The following ELP6 variants were observed in gnomAD, a reference collection of about 807,000 sequenced individuals.
The protein encoded by ELP6 is elongator complex protein 6.
Under a neutral mutation model 28.1 loss-of-function variants are expected in ELP6, and 23 were observed. The ratio of observed to expected loss-of-function variants is 0.82; its 90% CI spans 0.59 to 1.16. ELP6 has a LOEUF of 1.16. Among genes scored for constraint, ELP6 ranks in the 50% most tolerant of loss-of-function variants. ELP6 has a pLI of 0.00. For missense variants in ELP6, 313 were observed against 334.6 expected (o/e 0.94, Z 0.50); for synonymous variants, 132 against 135.8 (o/e 0.97, Z 0.19).
At chr3:47,513,463 C>A (rs2029966124) in intron 1 of ELP6, 74 bp downstream of exon 1, 5 of 1,574,966 alleles carry the variant, frequency 3.2e-6, no homozygotes, top group East Asian at 2.3e-5. Flanking sequence ...CGGGGTCGTG[C>A]GCACCGCCTC....
At chr3:47,497,929 T>TA (rs1178708502) in intron 6 of ELP6, 2,470 of 777,292 alleles carry the variant, frequency 3.2e-3, no homozygotes, top group Non-Finnish European at 3.5e-3. Flanking sequence ...AGACTCCGTC[T>TA]AAAAAAAAAA....
intron 3 of ELP6, among the ~76,000 whole-genome samples, chr3:47,509,395 C>T (rs1464089826): frequency 6.6e-6 from 1 of 152,230 alleles, no homozygotes; most frequent in Non-Finnish European, 1.5e-5. Flanking sequence ...CACCTAGTAA[C>T]AGGTAATGTC....
chr3:47,501,894 C>T (rs1559588833), intron 4 of ELP6, 43 bp from the exon 5 acceptor site: 2 of 1,573,146 alleles, frequency 1.3e-6, no homozygotes, highest in Non-Finnish European at 1.7e-6. Flanking sequence ...ACTCTCTCTA[C>T]AGATGTTTAT....
In ELP6 at chr3:47,507,536, C is replaced by T. The variant is rs532549310; in HGVS notation, c.204+2648G>A. ...TGGGGCTCGGCATGGTGCCTCACAC[C>T]TGTAATCCCAGCACTTTGGGAGGCT... is the stretch of plus-strand genomic sequence containing the variant. On this transcript the variant is annotated intron_variant, in intron 3 of 6. Transcript: ENST00000296149. Among the ~76,000 whole-genome samples the T allele has an allele frequency of 3.3e-5, 5 of 151,020 alleles. No individual in the cohort carries two copies. The South Asian group carries it at 1.0e-3, about 32-fold the overall frequency.
Position 47,505,610 on chromosome 3 carries a change from C to T in ELP6, c.205-1162G>A, listed in dbSNP as rs189977061. Among the ~76,000 whole-genome samples the T allele has an allele frequency of 1.0e-3, 157 of 152,038 alleles. 3 individuals carry two copies. The highest frequency in any genetic ancestry group is 3.4e-3 in the African/African-American group (140 of 41,466). On this transcript the variant is annotated intron_variant, in intron 3 of 6. Coordinates refer to ENST00000296149, the MANE Select transcript of ELP6 (RefSeq NM_001031703.3). ...TTTAGAGATGGAGTTTCGCTCTTGT[C>T]GCCCAGACTGGAGTGCAATGGTGCG...
intron 5 of ELP6, among the ~76,000 whole-genome samples, chr3:47,501,270 T>A (rs1253503051): frequency 6.6e-6 from 1 of 152,212 alleles, no homozygotes; most frequent in Non-Finnish European, 1.5e-5. Flanking sequence ...TAATATTGTA[T>A]ATCCTATACT....
At chr3:47,500,871 C>T (rs559525142) in intron 5 of ELP6, among the ~76,000 whole-genome samples, 4 of 152,190 alleles carry the variant, frequency 2.6e-5, no homozygotes, top group Non-Finnish European at 2.9e-5. Context: ...TTGCTCTGTA[C>T]GCTCAGTCTG....
chr3:47,498,739 T>C, intron 5 of ELP6: 1 of 984,626 alleles, frequency 1.0e-6, no homozygotes. Flanking sequence ...GTCACCATCC[T>C]GCCAGGCAAC....
At chr3:47,508,766 T>TC (rs1043109264) in intron 3 of ELP6, among the ~76,000 whole-genome samples, 4 of 135,682 alleles carry the variant, frequency 2.9e-5, no homozygotes, top group African/African-American at 1.1e-4. Flanking sequence ...TTTTTTTTCC[T>TC]TTTTTTTTTT....
At position 47,495,970 on chromosome 3, in the gene ELP6, A is replaced by C; in HGVS notation, c.*99T>G. On this transcript the variant is annotated 3_prime_UTR_variant, in exon 7 of 7. Coordinates refer to ENST00000296149, the MANE Select transcript of ELP6 (RefSeq NM_001031703.3). ...ACAGTGGAGTCGCCGGTCCAGCCTGAAATATTACTACAGAGGAGAAAGACC... is the reference window on the plus strand; with the variant it reads ...ACAGTGGAGTCGCCGGTCCAGCCTGCAATATTACTACAGAGGAGAAAGACC... 1 of 1,593,824 alleles carries C rather than the reference A, an allele frequency of 6.3e-7. No individual in the cohort carries two copies.
intron 2 of ELP6, among the ~76,000 whole-genome samples, chr3:47,510,848 G>C (rs907280711): frequency 1.3e-5 from 2 of 152,140 alleles, no homozygotes; most frequent in Non-Finnish European, 2.9e-5. Context: ...GATACACAAA[G>C]ACCAAGGAGC....
At chr3:47,502,671 CAA>C in intron 4 of ELP6, 2 of 562,680 alleles carry the variant, frequency 3.6e-6, no homozygotes, top group Non-Finnish European at 4.5e-6. Context: ...TATACCTCTA[CAA>C]AAAAAAATTT....
At chr3:47,503,688 G>T (rs1266963528) in intron 4 of ELP6, among the ~76,000 whole-genome samples, 1 of 152,056 alleles carries the variant, frequency 6.6e-6, no homozygotes, top group Non-Finnish European at 1.5e-5. Context: ...GGATCACGAG[G>T]TCAGGAGATC....
At chr3:47,499,898 A>G (rs1483397255) in intron 5 of ELP6, 6 of 1,302,578 alleles carry the variant, frequency 4.6e-6, no homozygotes, top group Non-Finnish European at 5.0e-6. Flanking sequence ...GGCGAAGCAT[A>G]TGGAGGTGGA....
intron 3 of ELP6, 147 bp from the exon 4 acceptor site, chr3:47,504,595 T>C: frequency 7.8e-7 from 1 of 1,274,478 alleles, no homozygotes; most frequent in Non-Finnish European, 9.9e-7. Context: ...TTCATTCCCC[T>C]GGGTGCTCCC....
rs938940035 is a variant in ELP6, at chr3:47,508,731, G to T, written c.204+1453C>A. On this transcript the variant is annotated intron_variant, in intron 3 of 6. Coordinates refer to ENST00000296149, the MANE Select transcript of ELP6 (RefSeq NM_001031703.3). ...GCTTATATCTTGCGGGGGCAGGGGT[G>T]GGGGAGTTGCATCTCTGGGAGATTT... Among the ~76,000 whole-genome samples the T allele has an allele frequency of 3.3e-5, 5 of 151,492 alleles. 1 individual carries two copies. Among genetic ancestry groups the T allele is most frequent in the Admixed American group, 6.6e-5 (1 of 15,212 alleles).
rs768191943 is a variant in ELP6 at position 47,513,523 on chromosome 3, GCGGGACC to G, written c.54+7_54+13del. ...GCCAGGTCCCGCCCCCTTCCGGCCAGCGGGACCTCTTACCTGCTCCGCCCTGTCGGGG... is the reference window on the plus strand; with the variant it reads ...GCCAGGTCCCGCCCCCTTCCGGCCAGTCTTACCTGCTCCGCCCTGTCGGGG... On this transcript the variant is annotated splice_region_variant and intron_variant, in intron 1 of 6. Transcript: ENST00000296149. The G allele has an allele frequency of 5.6e-5, 90 of 1,611,222 alleles. No individual in the cohort carries two copies. Among genetic ancestry groups the G allele is most frequent in the Non-Finnish European group, 7.3e-5 (86 of 1,178,966 alleles).
At chr3:47,506,118 C>T (rs959109614) in intron 3 of ELP6, among the ~76,000 whole-genome samples, 1 of 152,164 alleles carries the variant, frequency 6.6e-6, no homozygotes, top group African/African-American at 2.4e-5. Context: ...TGATGCCCCA[C>T]AAGCCGCAAA....
At chr3:47,513,207 G>A (rs1472636389) in intron 1 of ELP6, 1 of 1,132,928 alleles carries the variant, frequency 8.8e-7, no homozygotes. Context: ...GGCCAGACTT[G>A]TCTCGAACTC....
Sources: allele counts gnomAD v4.1 joint callset (sites outside exome capture counted in the v4.1 genomes callset), GRCh38; gene constraint gnomAD v4.1.1; transcripts MANE v1.5; gene names NCBI Gene and HGNC (gene_info 2026-07-23, HGNC 2026-07-21).